The following MYOM1 variants were observed in gnomAD, a reference collection of about 807,000 sequenced individuals.
The protein encoded by MYOM1 is myomesin 1, also known as myomesin-1.
MYOM1 carries 164 observed loss-of-function variants against 205.3 expected under a neutral mutation model. The observed-to-expected ratio is 0.80, with a 90% CI of 0.70 to 0.91. MYOM1 has a LOEUF of 0.91. MYOM1 is among the 40% of genes least tolerant of loss of function. MYOM1 has a pLI of 0.00. For synonymous variants in MYOM1, 772 were observed against 789.4 expected, an observed-to-expected ratio of 0.98 and a Z score of 0.37; for missense variants, 2,011 against 2,127.3, an observed-to-expected ratio of 0.95 and a Z score of 1.08.
chr18:3,106,220 C>T (rs1195847698), intron 22 of MYOM1, among the ~76,000 whole-genome samples: 1 of 152,094 alleles, frequency 6.6e-6, no homozygotes, highest in Admixed American at 6.5e-5. Context: ...ATTTTGGTAT[C>T]CACAGGGGGT....
chr18:3,167,263 T>G (rs887315660), intron 9 of MYOM1, among the ~76,000 whole-genome samples: 2 of 152,236 alleles, frequency 1.3e-5, no homozygotes, highest in Non-Finnish European at 2.9e-5. Context: ...ACTGTGTGAT[T>G]TGGGGCAATC....
the MYOM1 span, chr18:3,247,336 G>A: frequency 1.3e-5 from 2 of 152,326 alleles, no homozygotes; most frequent in Admixed American, 1.3e-4. Context: ...CCCTCAGGCG[G>A]AGACCCAGAC....
chr18:3,068,858 A>G (rs1422690541), intron 37 of MYOM1, among the ~76,000 whole-genome samples: 1 of 152,188 alleles, frequency 6.6e-6, no homozygotes, highest in Non-Finnish European at 1.5e-5. Context: ...ATAAGCTGTC[A>G]TTTCTCTGGG....
chr18:3,166,880 A>G (rs556770310), intron 9 of MYOM1, among the ~76,000 whole-genome samples: 55 of 152,324 alleles, frequency 3.6e-4, no homozygotes, highest in Non-Finnish European at 7.3e-4. Flanking sequence ...AGTTTTTAAG[A>G]GCTTTAAAAC....
chr18:3,097,468 G>A (rs566239664), intron 25 of MYOM1, among the ~76,000 whole-genome samples: 1 of 152,324 alleles, frequency 6.6e-6, no homozygotes, highest in African/African-American at 2.4e-5. Context: ...CTGTCACCCA[G>A]GCTGAAGTGC....
At chr18:3,237,475 T>C in the MYOM1 span, among the ~76,000 whole-genome samples, 52 of 151,518 alleles carry the variant, frequency 3.4e-4, no homozygotes, top group African/African-American at 1.2e-3. Context: ...GGCGGGCACC[T>C]GGAATCCCAG....
intron 2 of MYOM1, among the ~76,000 whole-genome samples, chr18:3,198,523 C>T (rs1188987736): frequency 1.3e-5 from 2 of 152,156 alleles, no homozygotes; most frequent in African/African-American, 4.8e-5. Flanking sequence ...CAGTGGCTTA[C>T]ACCTGTAATC....
chr18:3,243,128 T>C, the MYOM1 span, among the ~76,000 whole-genome samples: 1 of 152,212 alleles, frequency 6.6e-6, no homozygotes, highest in African/African-American at 2.4e-5. Context: ...GAATCTTCTA[T>C]ATCTTTGTAA....
At chr18:3,208,633 C>T (rs1432884056) in intron 2 of MYOM1, among the ~76,000 whole-genome samples, 2 of 152,160 alleles carry the variant, frequency 1.3e-5, no homozygotes, top group South Asian at 2.1e-4. Context: ...TAATGTGGCT[C>T]ATCATTTTGT....
intron 10 of MYOM1, among the ~76,000 whole-genome samples, chr18:3,158,015 C>A (rs553440868): frequency 4.8e-4 from 73 of 152,068 alleles, no homozygotes; most frequent in Non-Finnish European, 9.6e-4. Context: ...TAACTTTTTG[C>A]AAAATGTAAG....
intron 5 of MYOM1, 62 bp from the exon 6 acceptor site, chr18:3,176,196 C>T (rs977096883): frequency 2.1e-6 from 2 of 943,252 alleles, no homozygotes; most frequent in East Asian, 4.8e-5. Context: ...TGATTAAACA[C>T]ACACACAATT....
At chr18:3,089,883 T>C (rs2079199340) in intron 27 of MYOM1, among the ~76,000 whole-genome samples, 1 of 152,228 alleles carries the variant, frequency 6.6e-6, no homozygotes, top group Non-Finnish European at 1.5e-5. Flanking sequence ...ATCTGGGTGG[T>C]AGTAAGTGAG....
chr18:3,090,722 C>T lies in MYOM1; in HGVS notation c.3945G>A (p.Thr1315=), dbSNP rs75748615. 2,765 of 1,613,878 alleles carry T rather than the reference C, an allele frequency of 1.7e-3. 34 individuals carry two copies. In the African/African-American group the frequency reaches 0.032, roughly 19 times the overall value. Residue 1315 remains threonine (T), a synonymous_variant, in exon 27 of 38, where the codon ACG becomes ACA. Transcript: ENST00000356443. ...TTCCATCTTGAAGCTGGAAAGTGTA[C>T]GTTCCCTCATCCTCATCCTGTAGCT... ...MEKLQDEDEG[T]YTFQLQDGKA... is the part of the protein sequence containing the mutation.
In MYOM1 at chr18:3,135,106, C is replaced by T. The variant is rs552311684; in HGVS notation, c.2210-282G>A. On this transcript the variant is annotated intron_variant, in intron 15 of 37. Transcript: ENST00000356443. The surrounding 1 kb of genome is among the most constrained non-coding windows in gnomAD (Gnocchi z 4.1). Reference sequence around the variant, plus strand: ...TGGAATTACCAGGCATGTGCCACAACGCCTGGCTAATTTTTGTGTTTTCAG... The same window carrying T: ...TGGAATTACCAGGCATGTGCCACAATGCCTGGCTAATTTTTGTGTTTTCAG... 119 of 366,504 alleles carry T rather than the reference C, an allele frequency of 3.2e-4. 1 individual carries two copies. The highest frequency in any genetic ancestry group is 6.2e-4 in the East Asian group (10 of 16,094). 22.7% of individuals were successfully genotyped at this position (366,504 alleles called of 1,614,324 possible).
At chr18:3,102,336 A>G (rs2143762137) in intron 23 of MYOM1, 138 bp downstream of exon 23, 1 of 934,764 alleles carries the variant, frequency 1.1e-6, no homozygotes, top group Non-Finnish European at 1.6e-6. Flanking sequence ...TAAGTTGGTT[A>G]TTATTTTCTA....
intron 14 of MYOM1, among the ~76,000 whole-genome samples, chr18:3,136,233 T>C (rs971960210): frequency 2.6e-5 from 4 of 152,090 alleles, no homozygotes; most frequent in African/African-American, 9.7e-5. Context: ...TCTTTATAAA[T>C]TACCCAGTCT....
rs1001169568 is a variant in MYOM1 at position 3,189,871 on chromosome 18, T to G, written c.432-784A>C. Among the ~76,000 whole-genome samples the G allele has an allele frequency of 6.6e-6, 1 of 152,154 alleles. No individual in the cohort carries two copies. Among genetic ancestry groups the G allele is most frequent in the African/African-American group, 2.4e-5 (1 of 41,440 alleles). ...CCCTGATACATGAGTAGGAGCTTGA[T>G]CTGGGTTCTGTCACTTTGCTGATGT... On this transcript the variant is annotated intron_variant, in intron 3 of 37. Coordinates refer to ENST00000356443, the MANE Select transcript of MYOM1 (RefSeq NM_003803.4). This position sits in a 1 kb window ranked among gnomAD's most constrained non-coding sequence, Gnocchi z 4.8.
chr18:3,090,596 T>C (rs2079212510), intron 27 of MYOM1, 62 bp downstream of exon 27: 2 of 1,583,826 alleles, frequency 1.3e-6, no homozygotes, highest in South Asian at 2.3e-5. Flanking sequence ...TTTTGTGCCA[T>C]GGGGTACTTA....
intron 25 of MYOM1, among the ~76,000 whole-genome samples, chr18:3,098,768 T>C (rs1294787961): frequency 6.6e-6 from 1 of 152,212 alleles, no homozygotes; most frequent in Non-Finnish European, 1.5e-5. Context: ...TTTTTCAAAA[T>C]TAACATTTGA....
Sources: allele counts gnomAD v4.1 joint callset (sites outside exome capture counted in the v4.1 genomes callset), GRCh38; gene constraint gnomAD v4.1.1; non-coding constraint Gnocchi (gnomAD v3.1); transcripts MANE v1.5; gene names NCBI Gene and HGNC (gene_info 2026-07-23, HGNC 2026-07-21).